PUDP: variants seen among roughly 807,000 people sequenced by gnomAD.
The protein encoded by PUDP is pseudouridine-5'-phosphatase.
Under a neutral mutation model 9.4 loss-of-function variants are expected in PUDP, and 8 were observed. That is an observed-to-expected ratio of 0.85 (90% confidence interval 0.50 to 1.53). The LOEUF (loss-of-function observed/expected upper bound fraction) is 1.53, where lower values mean the gene tolerates loss of function less well. Among genes scored for constraint, PUDP ranks in the 40% most tolerant of loss-of-function variants. The pLI, the probability that PUDP is intolerant of heterozygous loss-of-function variation, is 0.00. For synonymous variants in PUDP, 99 were observed against 80.7 expected (o/e 1.23, Z -1.22); for missense variants, 188 against 189.7 (o/e 0.99, Z 0.05).
intron 3 of PUDP, among the ~76,000 whole-genome samples, chrX:6,975,821 G>C (rs181677845): frequency 2.7e-5 from 3 of 112,223 alleles, no homozygotes; most frequent in African/African-American, 6.5e-5. Flanking sequence ...CTTCCCCCAG[G>C]TGCTCTGTCT....
intron 3 of PUDP, among the ~76,000 whole-genome samples, chrX:6,739,343 G>A (rs1240571635): frequency 8.9e-6 from 1 of 111,860 alleles, no homozygotes; most frequent in Non-Finnish European, 1.9e-5. Flanking sequence ...TTCCTGAAAG[G>A]GGTTTGCTTT....
At chrX:6,900,575 G>GAGAAAGAGAGAGAGAT (rs765184346) in intron 3 of PUDP, among the ~76,000 whole-genome samples, 1 of 103,936 alleles carries the variant, frequency 9.6e-6, no homozygotes, top group Non-Finnish European at 2.0e-5. Context: ...GAGAGAGGGA[G>GAGAAAGAGAGAGAGAT]ACGGAGAGGG....
At chrX:6,946,632 A>G (rs912084746) in intron 3 of PUDP, among the ~76,000 whole-genome samples, 8 of 112,369 alleles carry the variant, frequency 7.1e-5, no homozygotes, top group Non-Finnish European at 1.5e-4. Flanking sequence ...AAAGCTCTCA[A>G]ATGGAGTAAT....
chrX:6,818,977 A>G (rs976637876), intron 3 of PUDP, among the ~76,000 whole-genome samples: 2 of 111,918 alleles, frequency 1.8e-5, no homozygotes, highest in African/African-American at 6.5e-5. Context: ...ACGGTATATA[A>G]AAGTTGTTCA....
chrX:6,822,996 C>T (rs1326885514), intron 3 of PUDP, among the ~76,000 whole-genome samples: 1 of 111,011 alleles, frequency 9.0e-6, no homozygotes, highest in Non-Finnish European at 1.9e-5. Context: ...TTTTAAGGGG[C>T]CTCAGGCATG....
chrX:7,088,067 A>G (rs1931316485), intron 2 of PUDP, among the ~76,000 whole-genome samples: 1 of 112,325 alleles, frequency 8.9e-6, no homozygotes, highest in African/African-American at 3.2e-5. Context: ...CCACTGATCA[A>G]TGCCTGGTAA....
intron 3 of PUDP, among the ~76,000 whole-genome samples, chrX:6,839,798 C>T (rs749473909): frequency 6.3e-5 from 7 of 110,992 alleles, no homozygotes; most frequent in East Asian, 5.7e-4. Flanking sequence ...CTTTGGAAGA[C>T]GGTTTGGCAG....
At chrX:6,911,777 C>T (rs1217349202) in intron 3 of PUDP, among the ~76,000 whole-genome samples, 1 of 111,405 alleles carries the variant, frequency 9.0e-6, no homozygotes, top group Non-Finnish European at 1.9e-5. Context: ...ATTCAATTTC[C>T]ATGTGGTCAA....
In PUDP at chrX:6,713,659, C is replaced by G. The variant is rs139603258; in HGVS notation, n.129-7193G>C. On this transcript the variant is annotated intron_variant and non_coding_transcript_variant, in intron 1 of 2. Coordinates refer to the PUDP transcript ENST00000438499. ...AAGTGGAGGAACATCTATGTATCTC[C>G]CAGGAGAGGCCACAGTGAGCATTTT... Among the ~76,000 whole-genome samples the G allele has an allele frequency of 2.3e-3, 247 of 108,883 alleles. 1 individual carries two copies. Among genetic ancestry groups the G allele is most frequent in the African/African-American group, 7.5e-3 (214 of 28,401 alleles). The allele number at this position is 108,883 out of a possible 115,157, so 94.6% of individuals were successfully genotyped here.
chrX:7,009,074 A>G (rs1433886028), intron 1 of PUDP, among the ~76,000 whole-genome samples: 1 of 112,758 alleles, frequency 8.9e-6, no homozygotes, highest in East Asian at 2.8e-4. Context: ...TCTCTATCAC[A>G]TATGAAATAA....
chrX:7,063,139 A>C lies in PUDP; in HGVS notation c.511-12667T>G, dbSNP rs758217817. ...ACTTAGCAGTTACACTGGTACAACAACACCATACAAATGAATTACAAAGCA... is the reference window on the plus strand; with the variant it reads ...ACTTAGCAGTTACACTGGTACAACACCACCATACAAATGAATTACAAAGCA... On this transcript the variant is annotated intron_variant, in intron 3 of 3. Transcript: ENST00000381077. Among the ~76,000 whole-genome samples the C allele has an allele frequency of 3.3e-4, 37 of 111,483 alleles. No individual in the cohort carries two copies. The South Asian group carries it at 6.4e-3, about 19-fold the overall frequency.
chrX:7,111,776 G>T (rs1378618025), intron 1 of PUDP, among the ~76,000 whole-genome samples: 1 of 111,802 alleles, frequency 8.9e-6, no homozygotes, highest in East Asian at 2.8e-4. Flanking sequence ...AGGCGGTTGC[G>T]TCCATGGAGT....
At chrX:6,718,251 C>A (rs957533272) in intron 1 of PUDP, among the ~76,000 whole-genome samples, 3 of 111,214 alleles carry the variant, frequency 2.7e-5, no homozygotes, top group Non-Finnish European at 5.7e-5. Context: ...GGGTATATAC[C>A]CAAAGGAATA....
At chrX:6,964,880 A>C (rs1368980880) in intron 3 of PUDP, among the ~76,000 whole-genome samples, 1 of 111,097 alleles carries the variant, frequency 9.0e-6, no homozygotes, top group Non-Finnish European at 1.9e-5. Flanking sequence ...CACCTTTCCT[A>C]AGTTTTTTCC....
At chrX:6,932,640 C>CCGTG (rs1254482699) in intron 3 of PUDP, among the ~76,000 whole-genome samples, 1 of 111,333 alleles carries the variant, frequency 9.0e-6, no homozygotes, top group Non-Finnish European at 1.9e-5. Context: ...GGTGCGCGCA[C>CCGTG]CGTGCGCGAG....
At chrX:6,996,827 C>T (rs1431216319) in intron 1 of PUDP, among the ~76,000 whole-genome samples, 3 of 107,712 alleles carry the variant, frequency 2.8e-5, no homozygotes, top group South Asian at 4.2e-4. Context: ...ACCACCACAC[C>T]CAGCTAATTT....
intron 3 of PUDP, chrX:7,057,896 G>C: frequency 1.4e-6 from 1 of 727,880 alleles, no homozygotes. Context: ...TTTCAAGAGG[G>C]AAGGAGAAGG....
At chrX:7,004,728 G>C (rs1041812854) in intron 1 of PUDP, among the ~76,000 whole-genome samples, 7 of 112,030 alleles carry the variant, frequency 6.2e-5, no homozygotes, top group African/African-American at 2.3e-4. Flanking sequence ...GTGGAAAATG[G>C]AATTATTGCT....
chrX:6,896,167 T>C lies in PUDP; in HGVS notation c.*247+80966A>G, dbSNP rs150908829. ...TAGAATCCTACTCCAGTTTATATTATAGGCTGAAACTTGATTTTTTTTCTT... is the reference window on the plus strand; with the variant it reads ...TAGAATCCTACTCCAGTTTATATTACAGGCTGAAACTTGATTTTTTTTCTT... On this transcript the variant is annotated intron_variant and NMD_transcript_variant, in intron 3 of 3. Transcript: ENST00000655425. Among the ~76,000 whole-genome samples, 17 of 111,977 alleles carry C rather than the reference T, an allele frequency of 1.5e-4. No homozygotes were observed. The East Asian group carries it at 4.8e-3, about 31-fold the overall frequency.
Sources: gnomAD v4.1 joint callset for allele counts (sites outside exome capture counted in the v4.1 genomes callset) on GRCh38, gnomAD v4.1.1 for gene constraint, MANE v1.5 for transcripts, NCBI Gene and HGNC (gene_info 2026-07-23, HGNC 2026-07-21) for gene names.